The following SWT1 variants were observed in gnomAD, a reference collection of about 807,000 sequenced individuals.
The protein encoded by SWT1 is SWT1 RNA endoribonuclease homolog, also known as transcriptional protein SWT1.
Under a neutral mutation model 107.3 loss-of-function variants are expected in SWT1, and 33 were observed. The ratio of observed to expected loss-of-function variants is 0.31; its 90% CI spans 0.23 to 0.41. SWT1 has a LOEUF of 0.41. SWT1 is among the 10% of genes least tolerant of loss of function. The pLI, the probability that SWT1 is intolerant of heterozygous loss-of-function variation, is 1.00. For synonymous variants in SWT1, 345 were observed against 348.3 expected, an observed-to-expected ratio of 0.99 and a Z score of 0.11; for missense variants, 898 against 1,028.9, an observed-to-expected ratio of 0.87 and a Z score of 1.74.
At position 185,184,930 on chromosome 1, in the gene SWT1, T is replaced by A; in HGVS notation, c.1428T>A (p.His476Gln). The change falls in exon 9 of 19, where the codon CAT (histidine) becomes CAA (glutamine). Residue 476 changes from histidine to glutamine, a missense_variant and splice_region_variant. Physicochemically the swap from His to Gln is conservative, Grantham distance 24 (BLOSUM62 0). Around this residue, in one of 6 missense-constraint regions of SWT1, gnomAD observed 34 missense variants for 50.2 expected, o/e 0.68. Coordinates refer to ENST00000367500, the MANE Select transcript of SWT1 (RefSeq NM_017673.7). ...CAATACAACTTGCATCCCAAAAACA[T>A]TGTAAGTATTGTTCTCTCAGAGTGC... ...GQSIQLASQK[H>Q]YGLSDENNDD... 1 of 1,455,628 alleles carries A rather than the reference T, an allele frequency of 6.9e-7. No individual in the cohort carries two copies. Among genetic ancestry groups the A allele is most frequent in the Non-Finnish European group, 9.1e-7 (1 of 1,102,548 alleles). The allele number at this position is 1,455,628 out of a possible 1,614,324, so 90.2% of individuals were successfully genotyped here. A position where few individuals can be genotyped will look rare whatever the true frequency, so the allele number is the denominator to read the frequency against.
intron 4 of SWT1, 116 bp from the exon 5 acceptor site, chr1:185,174,256 A>G (rs778020571): frequency 2.1e-5 from 16 of 744,734 alleles, no homozygotes; most frequent in African/African-American, 9.2e-5. Flanking sequence ...TAATGTAGCT[A>G]TTTCTACTTT....
At chr1:185,251,838 C>T (rs565841099) in intron 16 of SWT1, among the ~76,000 whole-genome samples, 2 of 151,646 alleles carry the variant, frequency 1.3e-5, no homozygotes, top group East Asian at 1.9e-4. Flanking sequence ...TACATGTGCA[C>T]ATTGTGCAGG....
chr1:185,165,586 T>C (rs1274718024), intron 2 of SWT1, among the ~76,000 whole-genome samples: 2 of 152,254 alleles, frequency 1.3e-5, no homozygotes, highest in Non-Finnish European at 2.9e-5. Flanking sequence ...ACACACTAGC[T>C]AATGTGGTCC....
At position 185,174,461 on chromosome 1, in the gene SWT1, C is replaced by G; in HGVS notation, c.314C>G (p.Ser105Ter). The G allele has an allele frequency of 6.2e-7, 1 of 1,609,794 alleles. No homozygotes were observed. The highest frequency in any genetic ancestry group is 8.5e-7 in the Non-Finnish European group (1 of 1,178,660). Residue 105 changes from serine (S) to a stop codon, truncating the protein, a stop_gained, in exon 5 of 19, where the codon TCA becomes TGA. Coordinates refer to ENST00000367500, the MANE Select transcript of SWT1 (RefSeq NM_017673.7). LOFTEE classifies it high-confidence loss of function. ...ATTAAACTCAAAGAAGCATCATATT[C>G]AAATGATAATCAAATTATTTTGCAG... ...RPIKLKEASY[S>*]NDNQIILQSP...
At chr1:185,278,460 A>T (rs967214643) in intron 18 of SWT1, among the ~76,000 whole-genome samples, 3 of 152,184 alleles carry the variant, frequency 2.0e-5, no homozygotes, top group East Asian at 1.9e-4. Flanking sequence ...TCCCCAATCT[A>T]AGATATTTAA....
At position 185,180,371 on chromosome 1, in the gene SWT1, T is replaced by C. The variant is rs1383295129; in HGVS notation, c.967-20T>C. On this transcript the variant is annotated intron_variant, in intron 5 of 18. Coordinates refer to ENST00000367500, the MANE Select transcript of SWT1 (RefSeq NM_017673.7). ...TAGGTTATGCTTTATTCTTAGCTAA[T>C]GAAATTACTTTCATTTCAGAGTTTT... 6.2e-7 allele frequency: 1 copy of C among 1,601,486 alleles called. No homozygotes were observed. The highest frequency in any genetic ancestry group is 1.3e-5 in the African/African-American group (1 of 74,640).
In SWT1 at chr1:185,160,847, C is replaced by T. The variant is rs769015360; in HGVS notation, c.6C>T (p.Ser2=). The change falls in exon 2 of 19, where the codon TCC becomes TCT. Residue 2 remains serine (S), a synonymous_variant. Coordinates refer to ENST00000367500, the MANE Select transcript of SWT1 (RefSeq NM_017673.7). The part of the protein sequence containing the change: M[S]SKESCGKKET... The stretch of plus-strand genomic sequence containing the variant: ...GTTTATGTTAGCTTTTCAGGATGTC[C>T]AGCAAAGAATCCTGTGGGAAAAAAG... The T allele has an allele frequency of 2.5e-6, 4 of 1,610,388 alleles. No individual in the cohort carries two copies. In the South Asian group the frequency reaches 3.3e-5, roughly 13 times the overall value.
chr1:185,202,843 T>C, intron 11 of SWT1, 44 bp downstream of exon 11: 7 of 1,063,430 alleles, frequency 6.6e-6, no homozygotes, highest in Non-Finnish European at 9.1e-6. Context: ...TCTTATTTTA[T>C]ACACTAAGAT....
chr1:185,212,833 A>G (rs1658930943), intron 13 of SWT1, among the ~76,000 whole-genome samples: 1 of 151,968 alleles, frequency 6.6e-6, no homozygotes, highest in Non-Finnish European at 1.5e-5. Flanking sequence ...TTGCTGTAAG[A>G]TAATTTTGAA....
chr1:185,282,295 C>T (rs560449128), intron 18 of SWT1, among the ~76,000 whole-genome samples: 22 of 152,072 alleles, frequency 1.4e-4, no homozygotes, highest in Non-Finnish European at 2.1e-4. Flanking sequence ...TTTGGATCTA[C>T]GTGTAGTTCT....
chr1:185,194,586 C>A (rs1459429578), intron 10 of SWT1, among the ~76,000 whole-genome samples: 1 of 151,220 alleles, frequency 6.6e-6, no homozygotes, highest in Non-Finnish European at 1.5e-5. Flanking sequence ...AAAAAAAAGT[C>A]TTTTATTATC....
intron 16 of SWT1, chr1:185,264,135 T>A (rs1246877920): frequency 1.3e-5 from 2 of 158,766 alleles, no homozygotes; most frequent in African/African-American, 4.8e-5. Flanking sequence ...GAAAATATTT[T>A]ACAGACTGGG....
At chr1:185,236,144 T>G (rs1660857080) in intron 16 of SWT1, among the ~76,000 whole-genome samples, 2 of 152,234 alleles carry the variant, frequency 1.3e-5, no homozygotes, top group East Asian at 3.8e-4. Context: ...ATAGATTCAC[T>G]GCTATTCCGA....
intron 18 of SWT1, among the ~76,000 whole-genome samples, chr1:185,284,962 C>A (rs1174906834): frequency 2.0e-5 from 3 of 151,828 alleles, no homozygotes; most frequent in Non-Finnish European, 4.4e-5. Flanking sequence ...AGACTCCCTG[C>A]AGCCACACTC....
chr1:185,253,195 A>G (rs1367977531), intron 16 of SWT1, among the ~76,000 whole-genome samples: 1,624 of 133,498 alleles, frequency 0.012, no homozygotes, highest in East Asian at 0.037. Flanking sequence ...GCCTTGTAGT[A>G]TAGTTTGAAG....
chr1:185,162,643 T>C (rs1165515403), intron 2 of SWT1, among the ~76,000 whole-genome samples: 2 of 152,204 alleles, frequency 1.3e-5, no homozygotes, highest in Non-Finnish European at 2.9e-5. Flanking sequence ...ATCAGCTTTC[T>C]TTTTATAATG....
intron 16 of SWT1, among the ~76,000 whole-genome samples, chr1:185,250,769 T>A (rs1428529054): frequency 6.6e-6 from 1 of 152,168 alleles, no homozygotes; most frequent in African/African-American, 2.4e-5. Flanking sequence ...TTCAAGTGAT[T>A]GTTCTTTCTC....
At chr1:185,204,182 G>A (rs1332734954) in intron 11 of SWT1, among the ~76,000 whole-genome samples, 1 of 152,098 alleles carries the variant, frequency 6.6e-6, no homozygotes, top group Non-Finnish European at 1.5e-5. Context: ...GGGTGCTGAG[G>A]CAGGAGAATC....
chr1:185,168,203 A>G, intron 3 of SWT1, 137 bp from the exon 4 acceptor site: 1 of 485,436 alleles, frequency 2.1e-6, no homozygotes, highest in Non-Finnish European at 3.4e-6. Context: ...TGAAACGGGG[A>G]TGATGATAAT....
Sources: allele counts gnomAD v4.1 joint callset (sites outside exome capture counted in the v4.1 genomes callset), GRCh38; gene constraint gnomAD v4.1.1; regional missense constraint gnomAD v4.1.1; transcripts MANE v1.5; gene names NCBI Gene and HGNC (gene_info 2026-07-23, HGNC 2026-07-21).